The following FBXL17 variants were observed in gnomAD, a reference collection of about 807,000 sequenced individuals.
The protein encoded by FBXL17 is F-box and leucine rich repeat protein 17.
A neutral mutation model predicts 66.2 loss-of-function variants in FBXL17; 22 were observed. That is an observed-to-expected ratio of 0.33 (90% confidence interval 0.24 to 0.47). FBXL17 has a LOEUF of 0.47. Among genes scored for constraint, FBXL17 ranks in the 20% least tolerant of loss-of-function variants. The probability of loss-of-function intolerance (pLI) is 1.00; values close to 1 mark genes in which losing one functional copy is unlikely to be tolerated. For missense variants in FBXL17, 878 were observed against 948.2 expected, an observed-to-expected ratio of 0.93 and a Z score of 0.97; for synonymous variants, 474 against 400.5, an observed-to-expected ratio of 1.18 and a Z score of -2.19.
chr5:107,965,164 A>G (rs1752073397), intron 7 of FBXL17, among the ~76,000 whole-genome samples: 1 of 152,154 alleles, frequency 6.6e-6, no homozygotes, highest in Admixed American at 6.6e-5. Flanking sequence ...CTTGATCTTA[A>G]GAGCTTGTGT....
At chr5:108,102,670 G>C (rs1749646398) in intron 6 of FBXL17, among the ~76,000 whole-genome samples, 1 of 152,068 alleles carries the variant, frequency 6.6e-6, no homozygotes, top group Non-Finnish European at 1.5e-5. Context: ...TTTCATTTAA[G>C]TTCACCATTG....
At chr5:108,360,851 C>T (rs1384892750) in intron 3 of FBXL17, among the ~76,000 whole-genome samples, 1 of 152,084 alleles carries the variant, frequency 6.6e-6, no homozygotes, top group Admixed American at 6.6e-5. Flanking sequence ...CTGCTCACTT[C>T]GGCTCTTGAA....
At chr5:108,226,992 A>AACT (rs1186368956) in intron 4 of FBXL17, among the ~76,000 whole-genome samples, 17 of 152,260 alleles carry the variant, frequency 1.1e-4, no homozygotes, top group Admixed American at 7.9e-4. Context: ...ACAAATGGAG[A>AACT]TCTTGGAACT....
chr5:107,903,095 A>G (rs1448471544), intron 7 of FBXL17, among the ~76,000 whole-genome samples: 2 of 152,172 alleles, frequency 1.3e-5, no homozygotes, highest in Admixed American at 1.3e-4. Flanking sequence ...TGTAACTGTA[A>G]CCTGACTTGT....
chr5:108,363,483 G>A (rs1050356900), intron 3 of FBXL17, among the ~76,000 whole-genome samples: 5 of 151,852 alleles, frequency 3.3e-5, no homozygotes, highest in Non-Finnish European at 2.9e-5. Context: ...ATTACCTCAC[G>A]TGTAACTAAT....
intron 7 of FBXL17, among the ~76,000 whole-genome samples, chr5:107,988,695 G>A (rs950428718): frequency 6.6e-6 from 1 of 151,928 alleles, no homozygotes; most frequent in Non-Finnish European, 1.5e-5. Flanking sequence ...TGAATTAAAA[G>A]GATGAAATTC....
chr5:107,870,938 G>T (rs968383331), intron 8 of FBXL17, among the ~76,000 whole-genome samples: 1 of 151,550 alleles, frequency 6.6e-6, no homozygotes, highest in Non-Finnish European at 1.5e-5. Flanking sequence ...GCTAAATATG[G>T]GAATAAGCTG....
chr5:108,227,921 T>C (rs1755166583), intron 4 of FBXL17, among the ~76,000 whole-genome samples: 1 of 152,168 alleles, frequency 6.6e-6, no homozygotes, highest in South Asian at 2.1e-4. Context: ...GTTAAGTACA[T>C]GGTCAGTTGG....
At chr5:108,245,508 G>A (rs1756054856) in intron 4 of FBXL17, among the ~76,000 whole-genome samples, 1 of 152,102 alleles carries the variant, frequency 6.6e-6, no homozygotes, top group Non-Finnish European at 1.5e-5. Flanking sequence ...TTTTCATCAT[G>A]TCAGACAAAT....
At chr5:108,258,014 C>G (rs368456543) in intron 4 of FBXL17, among the ~76,000 whole-genome samples, 1 of 152,064 alleles carries the variant, frequency 6.6e-6, no homozygotes, top group Non-Finnish European at 1.5e-5. Flanking sequence ...TGTGGGGATG[C>G]AAATTACATC....
At chr5:107,933,699 T>A (rs1396253934) in intron 7 of FBXL17, among the ~76,000 whole-genome samples, 1 of 152,156 alleles carries the variant, frequency 6.6e-6, no homozygotes, top group East Asian at 1.9e-4. Flanking sequence ...TGAGTTTTCA[T>A]CTTGGCTTGC....
intron 4 of FBXL17, among the ~76,000 whole-genome samples, chr5:108,238,853 A>T (rs1755725387): frequency 6.6e-6 from 1 of 152,308 alleles, no homozygotes; most frequent in African/African-American, 2.4e-5. Context: ...ATGTGTGGTT[A>T]ACGTGGAAAG....
chr5:108,237,784 C>T (rs937521926), intron 4 of FBXL17, among the ~76,000 whole-genome samples: 1 of 152,134 alleles, frequency 6.6e-6, no homozygotes, highest in African/African-American at 2.4e-5. Context: ...ATATCACACC[C>T]CAGGGCACCT....
chr5:108,254,649 T>C (rs1414139998), intron 4 of FBXL17, among the ~76,000 whole-genome samples: 1 of 152,218 alleles, frequency 6.6e-6, no homozygotes. Context: ...TTTAATTGTA[T>C]TGCAAGGATG....
intron 6 of FBXL17, among the ~76,000 whole-genome samples, chr5:108,169,565 T>A (rs1365188232): frequency 6.6e-6 from 1 of 152,184 alleles, no homozygotes; most frequent in African/African-American, 2.4e-5. Flanking sequence ...CTGTATTTAG[T>A]TTTTTTAAAT....
At chr5:108,058,126 C>T (rs763723527) in intron 6 of FBXL17, among the ~76,000 whole-genome samples, 5 of 152,160 alleles carry the variant, frequency 3.3e-5, no homozygotes, top group African/African-American at 7.2e-5. Context: ...AGTGAACACT[C>T]GGTAGTAATG....
chr5:108,304,248 A>G (rs1421074387), intron 4 of FBXL17, among the ~76,000 whole-genome samples: 2 of 152,022 alleles, frequency 1.3e-5, no homozygotes, highest in Non-Finnish European at 2.9e-5. Flanking sequence ...CTTTTCTTCA[A>G]GTAACAGCAT....
Position 108,086,271 on chromosome 5 carries a change from G to A in FBXL17, c.1746-65270C>T, listed in dbSNP as rs900021438. Among the ~76,000 whole-genome samples, 7 of 152,208 alleles carry A rather than the reference G, an allele frequency of 4.6e-5. No homozygotes were observed. In the South Asian group the frequency reaches 6.2e-4, roughly 14 times the overall value. On this transcript the variant is annotated intron_variant, in intron 6 of 8. Coordinates refer to ENST00000542267, the MANE Select transcript of FBXL17 (RefSeq NM_001163315.3). ...TCCAGAGAAGTCCTGCCCCATAATC[G>A]GGAGGAAAAAATGGTACACAAAGAG...
chr5:108,201,853 T>TAAAAAAAA (rs55995911), intron 5 of FBXL17, among the ~76,000 whole-genome samples: 2 of 129,462 alleles, frequency 1.5e-5, no homozygotes, highest in Non-Finnish European at 1.6e-5. Flanking sequence ...AATTTGAAAG[T>TAAAAAAAA]AAAAAAAAAA....
Sources: gnomAD v4.1 joint callset for allele counts (sites outside exome capture counted in the v4.1 genomes callset) on GRCh38, gnomAD v4.1.1 for gene constraint, MANE v1.5 for transcripts, NCBI Gene and HGNC (gene_info 2026-07-23, HGNC 2026-07-21) for gene names.